Variants in EXTL3 observed in about 807,000 individuals in gnomAD.
EXTL3 encodes exostosin like glycosyltransferase 3.
A neutral mutation model predicts 69.3 loss-of-function variants in EXTL3; 27 were observed. The ratio of observed to expected loss-of-function variants is 0.39; its 90% CI spans 0.29 to 0.54. The LOEUF is 0.54. EXTL3 is among the 20% of genes least tolerant of loss of function. EXTL3 has a pLI of 0.69. For missense variants in EXTL3, 1,003 were observed against 1,231.8 expected (o/e 0.81, Z 2.78); for synonymous variants, 511 against 499.4 (o/e 1.02, Z -0.31).
chr8:28,695,686 C>T (rs1232751779), intron 1 of EXTL3, among the ~76,000 whole-genome samples: 1 of 152,146 alleles, frequency 6.6e-6, no homozygotes, highest in Non-Finnish European at 1.5e-5. Flanking sequence ...GTGACCTGTT[C>T]CCACAATTCC....
chr8:28,622,307 G>C (rs1040026225), upstream of EXTL3, among the ~76,000 whole-genome samples: 2 of 152,248 alleles, frequency 1.3e-5, no homozygotes, highest in Admixed American at 1.3e-4. Context: ...CCCAGCGACC[G>C]GCGCCCTCTG....
chr8:28,669,615 A>C (rs1807253687), intron 1 of EXTL3, among the ~76,000 whole-genome samples: 1 of 152,228 alleles, frequency 6.6e-6, no homozygotes, highest in African/African-American at 2.4e-5. Flanking sequence ...CTCACATAGA[A>C]GCTCAAGACA....
In EXTL3 at chr8:28,743,068, T is replaced by A; in HGVS notation, c.2422-18T>A. ...TGTCTTGTAACAGAGCATGTGGTTC[T>A]TTTTCTTCCCCTGACAGTATTATGC... is the stretch of plus-strand genomic sequence containing the variant. On this transcript the variant is annotated intron_variant, in intron 5 of 6. Coordinates refer to ENST00000220562, the MANE Select transcript of EXTL3 (RefSeq NM_001440.4). 6.2e-7 allele frequency: 1 copy of A among 1,613,850 alleles called. No individual in the cohort carries two copies. Among genetic ancestry groups the A allele is most frequent in the East Asian group, 2.2e-5 (1 of 44,872 alleles).
intron 1 of EXTL3, among the ~76,000 whole-genome samples, chr8:28,702,459 T>C (rs1217508445): frequency 6.6e-6 from 1 of 152,252 alleles, no homozygotes; most frequent in Non-Finnish European, 1.5e-5. Flanking sequence ...TGATGGGTGC[T>C]GCTTTCTCTT....
At chr8:28,626,440 T>G (rs1255542439) in intron 1 of EXTL3, among the ~76,000 whole-genome samples, 1 of 151,986 alleles carries the variant, frequency 6.6e-6, no homozygotes, top group African/African-American at 2.4e-5. Context: ...GCTGCAGCAG[T>G]GATTAGGAAA....
chr8:28,698,110 T>C (rs1476077938), upstream of EXTL3: 2 of 152,098 alleles, frequency 1.3e-5, no homozygotes, highest in African/African-American at 4.8e-5. Flanking sequence ...GAGAATGGGA[T>C]GTAGGTGTGA....
At chr8:28,619,971 C>T (rs1806389150), upstream of EXTL3, among the ~76,000 whole-genome samples, 1 of 144,496 alleles carries the variant, frequency 6.9e-6, no homozygotes, top group Non-Finnish European at 1.5e-5. Context: ...CCCGGGTTCA[C>T]GCCATTCTCC....
At chr8:28,611,920 T>C (rs1220774925) in intron 2 of EXTL3, among the ~76,000 whole-genome samples, 4 of 152,164 alleles carry the variant, frequency 2.6e-5, no homozygotes, top group Non-Finnish European at 5.9e-5. Flanking sequence ...TGGGGCTCCC[T>C]GCAAGAGGAT....
At chr8:28,705,250 C>T (rs777619145) in intron 1 of EXTL3, among the ~76,000 whole-genome samples, 2 of 152,104 alleles carry the variant, frequency 1.3e-5, no homozygotes, top group Non-Finnish European at 2.9e-5. Flanking sequence ...TGAGGTCATC[C>T]GGTCTAACCC....
At chr8:28,729,461 T>C (rs1197774965) in intron 3 of EXTL3, among the ~76,000 whole-genome samples, 1 of 150,592 alleles carries the variant, frequency 6.6e-6, no homozygotes, top group Non-Finnish European at 1.5e-5. Context: ...CCAGGCGTGG[T>C]GGTAGGCGCC....
intron 1 of EXTL3, among the ~76,000 whole-genome samples, chr8:28,641,564 C>T (rs1203342990): frequency 2.6e-5 from 4 of 152,118 alleles, no homozygotes; most frequent in Admixed American, 6.5e-5. Flanking sequence ...TCAACCTCCG[C>T]CTCCCGAGCT....
At chr8:28,652,039 C>CTGTGTGTGTGTGTGTGTGTGTCTG (rs34231513) in intron 1 of EXTL3, among the ~76,000 whole-genome samples, 1 of 145,122 alleles carries the variant, frequency 6.9e-6, no homozygotes, top group Non-Finnish European at 1.5e-5. Flanking sequence ...GTGTGTGTGT[C>CTGTGTGTGTGTGTGTGTGTGTCTG]TGTGTGTGTG....
chr8:28,740,926 A>T (rs1801765569), intron 5 of EXTL3: 1 of 152,150 alleles, frequency 6.6e-6, no homozygotes, highest in Admixed American at 6.6e-5. Flanking sequence ...TGTTATAGCA[A>T]GTCAGGTCTG....
chr8:28,643,019 G>A (rs547389602), intron 1 of EXTL3, among the ~76,000 whole-genome samples: 1 of 152,214 alleles, frequency 6.6e-6, no homozygotes, highest in Admixed American at 6.5e-5. Flanking sequence ...CGAGGCAGAT[G>A]GATCACCTGA....
At chr8:28,619,845 CTTTTTTTTTTTTTTTTTTTTTTTTTT>C (rs56276866), upstream of EXTL3, among the ~76,000 whole-genome samples, 43 of 50,852 alleles carry the variant, frequency 8.5e-4, no homozygotes, top group East Asian at 5.6e-3. Context: ...GCTTCTGGTT[CTTTTTTTTTTTTTTTTTTTTTTTTTT>C]TTTTTTTTTT....
chr8:28,614,521 G>T (rs1205336758), intron 2 of EXTL3, among the ~76,000 whole-genome samples: 1 of 151,882 alleles, frequency 6.6e-6, no homozygotes, highest in African/African-American at 2.4e-5. Context: ...CGATCCACCC[G>T]CCTCGGCCTC....
chr8:28,645,577 G>A (rs1244775350), intron 1 of EXTL3, among the ~76,000 whole-genome samples: 1 of 152,136 alleles, frequency 6.6e-6, no homozygotes, highest in Non-Finnish European at 1.5e-5. Context: ...TGCTGGTAAT[G>A]AAATTAAATT....
chr8:28,663,883 G>A (rs1239037931), intron 1 of EXTL3, among the ~76,000 whole-genome samples: 1 of 152,258 alleles, frequency 6.6e-6, no homozygotes, highest in African/African-American at 2.4e-5. Context: ...GCAGGGCTGA[G>A]GAGGCTGCCA....
At chr8:28,706,841 T>G (rs1216192882) in intron 1 of EXTL3, among the ~76,000 whole-genome samples, 2 of 152,076 alleles carry the variant, frequency 1.3e-5, no homozygotes, top group Non-Finnish European at 2.9e-5. Context: ...ATTTAAGCTT[T>G]TTTTTTTTCC....
Sources: allele counts gnomAD v4.1 joint callset (sites outside exome capture counted in the v4.1 genomes callset), GRCh38; gene constraint gnomAD v4.1.1; transcripts MANE v1.5; gene names NCBI Gene and HGNC (gene_info 2026-07-23, HGNC 2026-07-21).